Variants in ASXL1 observed in about 807,000 individuals in gnomAD.
The protein encoded by ASXL1 is polycomb group protein ASXL1.
In ASXL1, 65 loss-of-function variants were observed where a neutral mutation model predicts 89.1. That is an observed-to-expected ratio of 0.73 (90% CI 0.60 to 0.90). ASXL1 has a LOEUF of 0.90. ASXL1 is among the 40% of genes least tolerant of loss of function. ASXL1 has a pLI of 0.00. For missense variants in ASXL1, 1,786 were observed against 1,942.9 expected, an observed-to-expected ratio of 0.92 and a Z score of 1.52; for synonymous variants, 739 against 746.9, an observed-to-expected ratio of 0.99 and a Z score of 0.17.
intron 1 of ASXL1, among the ~76,000 whole-genome samples, chr20:32,362,910 G>A (rs1404713332): frequency 3.3e-5 from 5 of 152,052 alleles, no homozygotes; most frequent in South Asian, 2.1e-4. Context: ...CCTTTAAATC[G>A]AGGACGCTAA....
At position 32,429,787 on chromosome 20, in the gene ASXL1, A is replaced by G; in HGVS notation, c.566-114A>G. The G allele has an allele frequency of 7.2e-7, 1 of 1,394,006 alleles. No homozygotes were observed. The highest frequency in any genetic ancestry group is 1.3e-5 in the South Asian group (1 of 76,722). The allele number at this position is 1,394,006 out of a possible 1,614,324, so 86.4% of individuals were successfully genotyped here. The stretch of plus-strand genomic sequence containing the variant: ...TCTCAGCCTAAGGCTGGGAGATGGA[A>G]GCATCCCAGTATTGCTGGCAGCATC... On this transcript the variant is annotated intron_variant, in intron 7 of 12. Transcript: ENST00000375687. The surrounding 1 kb of genome is among the most constrained non-coding windows in gnomAD (Gnocchi z 4.9).
intron 1 of ASXL1, among the ~76,000 whole-genome samples, chr20:32,362,744 A>G (rs964661203): frequency 6.6e-6 from 1 of 152,218 alleles, no homozygotes; most frequent in African/African-American, 2.4e-5. Flanking sequence ...ATTTTTGCAG[A>G]TGTTAATTAT....
intron 1 of ASXL1, among the ~76,000 whole-genome samples, chr20:32,363,515 C>T (rs1051616027): frequency 2.0e-5 from 3 of 152,184 alleles, no homozygotes; most frequent in Non-Finnish European, 4.4e-5. Flanking sequence ...AGTCATGATA[C>T]GTGTTATCAT....
At position 32,358,679 on chromosome 20, in the gene ASXL1, C is replaced by G. The variant is rs570751501; in HGVS notation, c.-97C>G. The stretch of plus-strand genomic sequence containing the variant: ...TCGCGCGCCGCCGCTGCCACGCGCC[C>G]CCCCCACCGCCGCCGCCGCCCCAGC... On this transcript the variant is annotated 5_prime_UTR_variant, in exon 1 of 13. Transcript: ENST00000375687. 2.2e-6 allele frequency: 1 copy of G among 447,478 alleles called. No individual in the cohort carries two copies. Among genetic ancestry groups the G allele is most frequent in the Non-Finnish European group, 3.1e-6 (1 of 325,010 alleles). 27.7% of individuals were successfully genotyped at this position (447,478 alleles called of 1,614,324 possible).
chr20:32,438,690 G>T lies in ASXL1; in HGVS notation c.*1352G>T. 4.3e-6 allele frequency: 1 copy of T among 233,654 alleles called. No homozygotes were observed. The allele number at this position is 233,654 out of a possible 1,614,324, so 14.5% of individuals were successfully genotyped here. A position where few individuals can be genotyped will look rare whatever the true frequency, so the allele number is the denominator to read the frequency against. ...TTCTGGATTCATGGGTGAGTTCCCTGGGCAGCCCCCAGGAAGGCCTTCCAG... is the reference window on the plus strand; with the variant it reads ...TTCTGGATTCATGGGTGAGTTCCCTTGGCAGCCCCCAGGAAGGCCTTCCAG... On this transcript the variant is annotated 3_prime_UTR_variant, in exon 13 of 13. Coordinates refer to ENST00000375687, the MANE Select transcript of ASXL1 (RefSeq NM_015338.6).
chr20:32,360,749 A>G (rs144843688), intron 1 of ASXL1: 2 of 168,534 alleles, frequency 1.2e-5, no homozygotes, highest in African/African-American at 4.8e-5. Context: ...CTGAACTTCA[A>G]CATCGAGGTT....
chr20:32,396,614 G>A (rs1227359105), intron 4 of ASXL1, among the ~76,000 whole-genome samples: 1 of 152,030 alleles, frequency 6.6e-6, no homozygotes, highest in Non-Finnish European at 1.5e-5. Flanking sequence ...TGGCACTCTG[G>A]TTCCCAGACT....
rs529658017 is a variant in ASXL1, at chr20:32,398,772, G to A, written c.253-29356G>A. On this transcript the variant is annotated intron_variant, in intron 4 of 12. Transcript: ENST00000375687. ...CTACAGGCGCCCGCCACTACGCCCG[G>A]CTCATTTTTTGTATTTTTAGTAGAG... Among the ~76,000 whole-genome samples, 1,005 of 151,428 alleles carry A rather than the reference G, an allele frequency of 6.6e-3. 15 individuals carry two copies. Among genetic ancestry groups the A allele is most frequent in the African/African-American group, 0.023 (938 of 41,414 alleles).
chr20:32,381,814 G>A (rs951785284), intron 4 of ASXL1, among the ~76,000 whole-genome samples: 2 of 151,606 alleles, frequency 1.3e-5, no homozygotes, highest in African/African-American at 4.8e-5. Context: ...GCGCCTGGCC[G>A]CCTCTTATCA....
chr20:32,408,287 C>T (rs79311145), intron 4 of ASXL1, among the ~76,000 whole-genome samples: 1,577 of 152,158 alleles, frequency 0.01, 28 homozygotes, highest in African/African-American at 0.036. Context: ...TGCGTTTTTA[C>T]GTGTTTATCT....
intron 4 of ASXL1, among the ~76,000 whole-genome samples, chr20:32,390,248 A>G (rs186913661): frequency 8.5e-5 from 13 of 152,324 alleles, no homozygotes; most frequent in Non-Finnish European, 4.4e-5. Flanking sequence ...AAAGTGAAAA[A>G]CAATAGTTGT....
chr20:32,362,212 A>G (rs1313675050), intron 1 of ASXL1, among the ~76,000 whole-genome samples: 1 of 152,238 alleles, frequency 6.6e-6, no homozygotes, highest in Non-Finnish European at 1.5e-5. Flanking sequence ...ACACCTGAAC[A>G]CTTCTCTTTG....
intron 4 of ASXL1, among the ~76,000 whole-genome samples, chr20:32,390,674 C>T (rs1283966996): frequency 2.0e-5 from 3 of 152,056 alleles, no homozygotes; most frequent in African/African-American, 7.2e-5. Flanking sequence ...TTTCATCATC[C>T]CAGAAACTTT....
At position 32,435,589 on chromosome 20, in the gene ASXL1, C is replaced by G. The variant is rs2145374575; in HGVS notation, c.2877C>G (p.Leu959=). 6.2e-7 allele frequency: 1 copy of G among 1,614,148 alleles called. No homozygotes were observed. Among genetic ancestry groups the G allele is most frequent in the Non-Finnish European group, 8.5e-7 (1 of 1,180,038 alleles). ...ATCCTCTTGACAGCCTTACTTCACT[C>G]TGGACTGTGCCATCTCGAGGAGGCA... ...GLDPLDSLTS[L]WTVPSRGGSD... Residue 959 remains leucine (L), a synonymous_variant, in exon 13 of 13, where the codon CTC becomes CTG. Transcript: ENST00000375687.
At chr20:32,434,381 A>G (rs560184665) in intron 12 of ASXL1, 51 bp from the exon 13 acceptor site, 3 of 1,603,804 alleles carry the variant, frequency 1.9e-6, no homozygotes, top group East Asian at 2.2e-5. Context: ...TACAGTCCCT[A>G]GGTCAGATCA....
chr20:32,386,789 C>CT (rs11445027), intron 4 of ASXL1, among the ~76,000 whole-genome samples: 88,982 of 129,568 alleles, frequency 0.69, 31,387 homozygotes, highest in South Asian at 0.85. Flanking sequence ...CTCTCTCTCT[C>CT]TTTTTTTTTT....
chr20:32,378,712 A>G (rs2048430760), intron 4 of ASXL1, among the ~76,000 whole-genome samples: 1 of 152,078 alleles, frequency 6.6e-6, no homozygotes, highest in South Asian at 2.1e-4. Context: ...TAGGACTTTC[A>G]TGCTGAAATA....
rs766921536 is a variant in ASXL1, at chr20:32,369,142, C to G, written c.252+19C>G. The G allele has an allele frequency of 6.3e-7, 1 of 1,577,072 alleles. No homozygotes were observed. Among genetic ancestry groups the G allele is most frequent in the Non-Finnish European group, 8.7e-7 (1 of 1,146,294 alleles). ...GCTCAAGGTAAGTGATATGAACTCT[C>G]TTTTGGTGCAGTGATTCTTGGACTT... On this transcript the variant is annotated intron_variant, in intron 4 of 12. Coordinates refer to ENST00000375687, the MANE Select transcript of ASXL1 (RefSeq NM_015338.6).
At chr20:32,428,631 G>T in intron 6 of ASXL1, 2 of 427,412 alleles carry the variant, frequency 4.7e-6, no homozygotes, top group African/African-American at 4.2e-5. Context: ...TCTTTACCTT[G>T]GCTGAGTGAT....
Sources: gnomAD v4.1 joint callset for allele counts (sites outside exome capture counted in the v4.1 genomes callset) on GRCh38, gnomAD v4.1.1 for gene constraint, Gnocchi (gnomAD v3.1) non-coding constraint, MANE v1.5 for transcripts, NCBI Gene and HGNC (gene_info 2026-07-23, HGNC 2026-07-21) for gene names.